The following OR51B5 variants were observed in gnomAD, a reference collection of about 807,000 sequenced individuals.
OR51B5 encodes the protein olfactory receptor 51B5.
For missense variants in OR51B5, 456 were observed against 374.6 expected, an observed-to-expected ratio of 1.22 and a Z score of -1.79; for synonymous variants, 186 against 144.8, an observed-to-expected ratio of 1.28 and a Z score of -2.04.
chr11:5,399,612 A>C (rs922836586), intron 1 of OR51B5, among the ~76,000 whole-genome samples: 4 of 152,134 alleles, frequency 2.6e-5, no homozygotes, highest in African/African-American at 9.7e-5. Context: ...TGGGCTATAG[A>C]CTACATGATC....
intron 1 of OR51B5, among the ~76,000 whole-genome samples, chr11:5,376,438 C>T (rs1849529148): frequency 6.6e-6 from 1 of 151,914 alleles, no homozygotes; most frequent in Admixed American, 6.6e-5. Context: ...CAAAAGCTAG[C>T]AGAAGTCAAG....
intron 1 of OR51B5, among the ~76,000 whole-genome samples, chr11:5,452,599 G>GGAGGAGATATT (rs1850873930): frequency 7.3e-6 from 1 of 137,444 alleles, no homozygotes; most frequent in Non-Finnish European, 1.6e-5. Context: ...TACGAGATAT[G>GGAGGAGATATT]GAGATATGGA....
chr11:5,355,891 C>A (rs1007329304), intron 1 of OR51B5, among the ~76,000 whole-genome samples: 1 of 152,052 alleles, frequency 6.6e-6, no homozygotes, highest in Non-Finnish European at 1.5e-5. Context: ...CCTGGAAGTT[C>A]TTTTAAAAAT....
At chr11:5,466,917 G>C (rs531505315) in intron 1 of OR51B5, among the ~76,000 whole-genome samples, 1 of 152,326 alleles carries the variant, frequency 6.6e-6, no homozygotes, top group Non-Finnish European at 1.5e-5. Flanking sequence ...TCACTTTCTT[G>C]TGTCTGCTTT....
intron 1 of OR51B5, chr11:5,440,889 T>C (rs746624439): frequency 1.2e-6 from 2 of 1,613,686 alleles, no homozygotes; most frequent in Non-Finnish European, 8.5e-7. Context: ...GTCCATACCA[T>C]AGGTAAAAAT....
intron 1 of OR51B5, among the ~76,000 whole-genome samples, chr11:5,357,328 C>A (rs11036977): frequency 0.37 from 54,184 of 147,696 alleles, 10,201 homozygotes; most frequent in Non-Finnish European, 0.4. Flanking sequence ...TTGCAATCCT[C>A]ATCTCTGATA....
chr11:5,465,966 A>C (rs964363332), intron 1 of OR51B5, among the ~76,000 whole-genome samples: 27 of 151,428 alleles, frequency 1.8e-4, no homozygotes, highest in Non-Finnish European at 3.7e-4. Flanking sequence ...ATGGGATCTC[A>C]TTAAACTAAA....
At chr11:5,479,032 G>A (rs982709341) in intron 1 of OR51B5, among the ~76,000 whole-genome samples, 6 of 152,000 alleles carry the variant, frequency 3.9e-5, no homozygotes, top group Non-Finnish European at 5.9e-5. Context: ...TACTCCTCGA[G>A]AAGAGCAACT....
Position 5,351,733 on chromosome 11 carries a change from A to G in OR51B5, n.85-4823T>C, listed in dbSNP as rs756648559. ...AGACCTCGGAGTGACATTGACCACA[A>G]TGCCCACAGTGCTAGGTGTTCTGTG... On this transcript the variant is annotated intron_variant and non_coding_transcript_variant, in intron 1 of 4. Coordinates refer to the OR51B5 transcript ENST00000415970. The G allele has an allele frequency of 3.1e-6, 5 of 1,613,970 alleles. No individual in the cohort carries two copies. The South Asian group carries it at 3.3e-5, about 11-fold the overall frequency.
chr11:5,382,467 T>C (rs569435463), intron 1 of OR51B5, among the ~76,000 whole-genome samples: 2 of 152,334 alleles, frequency 1.3e-5, no homozygotes, highest in Admixed American at 1.3e-4. Context: ...ATCTTATGTG[T>C]GATAGATGCC....
chr11:5,484,353 T>C (rs1404013538), intron 1 of OR51B5, among the ~76,000 whole-genome samples: 1 of 152,186 alleles, frequency 6.6e-6, no homozygotes, highest in Non-Finnish European at 1.5e-5. Context: ...TCAATCTTTC[T>C]GGTCCACACA....
chr11:5,346,391 A>T (rs1848990396), upstream of OR51B5: 1 of 152,174 alleles, frequency 6.6e-6, no homozygotes, highest in Non-Finnish European at 1.5e-5. Flanking sequence ...ATAAAAGCTG[A>T]GGAAAAAAAA....
chr11:5,411,661 G>A (rs146443060), intron 1 of OR51B5, among the ~76,000 whole-genome samples: 130 of 152,338 alleles, frequency 8.5e-4, no homozygotes, highest in African/African-American at 3.0e-3. Context: ...GAAAAGGGCA[G>A]TTAAGGCTGC....
At chr11:5,360,650 C>T (rs1849269250) in intron 1 of OR51B5, among the ~76,000 whole-genome samples, 1 of 152,088 alleles carries the variant, frequency 6.6e-6, no homozygotes, top group South Asian at 2.1e-4. Context: ...GGTACATACT[C>T]AAAGGATTAT....
In OR51B5 at chr11:5,351,838, G is replaced by T; in HGVS notation, n.85-4928C>A. On this transcript the variant is annotated intron_variant and non_coding_transcript_variant, in intron 1 of 4. Coordinates refer to the OR51B5 transcript ENST00000415970. The stretch of plus-strand genomic sequence containing the variant: ...CCATACTCTTTCTGTCATGGAGTCA[G>T]GTGTCTTGCTTGCCATGGCTTATGA... 1 of 1,613,966 alleles carries T rather than the reference G, an allele frequency of 6.2e-7. No individual in the cohort carries two copies.
intron 1 of OR51B5, chr11:5,403,195 A>G (rs764394098): frequency 2.1e-5 from 10 of 471,154 alleles, no homozygotes; most frequent in East Asian, 6.9e-5. Flanking sequence ...AACAATATCT[A>G]TGGGATTTTC....
intron 1 of OR51B5, among the ~76,000 whole-genome samples, chr11:5,413,729 G>A (rs574473783): frequency 6.6e-6 from 1 of 152,178 alleles, no homozygotes; most frequent in Non-Finnish European, 1.5e-5. Context: ...GAGAAGTTTA[G>A]AGAAAAAAGA....
At chr11:5,376,560 C>T (rs553745346) in intron 1 of OR51B5, among the ~76,000 whole-genome samples, 9 of 152,006 alleles carry the variant, frequency 5.9e-5, no homozygotes, top group East Asian at 3.9e-4. Flanking sequence ...ACTGATAGAC[C>T]GCTAGCAAGA....
At chr11:5,386,142 G>A (rs1022950360) in intron 1 of OR51B5, among the ~76,000 whole-genome samples, 4 of 151,990 alleles carry the variant, frequency 2.6e-5, no homozygotes, top group Non-Finnish European at 5.9e-5. Flanking sequence ...GTGTTTACTG[G>A]TTGGAAAAAC....
Sources: gnomAD v4.1 joint callset for allele counts (sites outside exome capture counted in the v4.1 genomes callset) on GRCh38, gnomAD v4.1.1 for gene constraint, MANE v1.5 for transcripts, NCBI Gene and HGNC (gene_info 2026-07-23, HGNC 2026-07-21) for gene names.